TMEM260: variants seen among roughly 807,000 people sequenced by gnomAD.
TMEM260 encodes transmembrane protein 260, also known as protein O-mannosyl-transferase TMEM260.
A neutral mutation model predicts 88.9 loss-of-function variants in TMEM260; 82 were observed. That is an observed-to-expected ratio of 0.92 (90% CI 0.77 to 1.11). The LOEUF (loss-of-function observed/expected upper bound fraction) is 1.11, where lower values mean the gene tolerates loss of function less well. TMEM260 is among the 50% of genes least tolerant of loss of function. TMEM260 has a pLI of 0.00. For synonymous variants in TMEM260, 314 were observed against 309.3 expected, an observed-to-expected ratio of 1.02 and a Z score of -0.16; for missense variants, 902 against 853.4, an observed-to-expected ratio of 1.06 and a Z score of -0.71.
downstream of TMEM260, among the ~76,000 whole-genome samples, chr14:56,653,983 C>T (rs1890256415): frequency 6.6e-6 from 1 of 152,148 alleles, no homozygotes; most frequent in African/African-American, 2.4e-5. Flanking sequence ...CCACCATCAC[C>T]TCTGGCACAT....
At position 56,618,639 on chromosome 14, in the gene TMEM260, G is replaced by C; in HGVS notation, c.1102G>C (p.Ala368Pro). 6.2e-7 allele frequency: 1 copy of C among 1,614,194 alleles called. No individual in the cohort carries two copies. The highest frequency in any genetic ancestry group is 8.5e-7 in the Non-Finnish European group (1 of 1,180,028). The change falls in exon 10 of 16, where the codon GCT becomes CCT. Residue 368 changes from alanine to proline, a missense_variant. Coordinates refer to ENST00000261556, the MANE Select transcript of TMEM260 (RefSeq NM_017799.4). ...MQSNAVVAVL[A>P]GIGLAAVVSE... is the part of the protein sequence containing the mutation. Reference sequence around the variant, plus strand: ...GAGCAATGCAGTAGTGGCCGTCCTCGCTGGCATTGGTTTGGCTGCAGTTGT... The same window carrying C: ...GAGCAATGCAGTAGTGGCCGTCCTCCCTGGCATTGGTTTGGCTGCAGTTGT...
downstream of TMEM260, among the ~76,000 whole-genome samples, chr14:56,649,870 A>G (rs966811928): frequency 6.6e-6 from 1 of 152,220 alleles, no homozygotes; most frequent in African/African-American, 2.4e-5. Flanking sequence ...GAAACCAATG[A>G]TATGATGGCC....
intron 12 of TMEM260, among the ~76,000 whole-genome samples, chr14:56,627,167 AAT>A (rs150129365): frequency 0.043 from 6,565 of 152,184 alleles, 473 homozygotes; most frequent in African/African-American, 0.15. Flanking sequence ...AAGTTTTGTT[AAT>A]GTTTTTGACT....
chr14:56,639,575 G>A (rs966564897), intron 15 of TMEM260, among the ~76,000 whole-genome samples: 22 of 152,152 alleles, frequency 1.4e-4, no homozygotes, highest in African/African-American at 4.8e-4. Flanking sequence ...CATGAGCAAC[G>A]CAGAAGACGG....
chr14:56,607,953 A>C (rs976680238), intron 5 of TMEM260, among the ~76,000 whole-genome samples: 1 of 152,322 alleles, frequency 6.6e-6, no homozygotes, highest in East Asian at 1.9e-4. Context: ...TTACCATTCT[A>C]AATTCAACTT....
chr14:56,645,207 C>T (rs369256127), intron 15 of TMEM260, among the ~76,000 whole-genome samples: 30 of 146,848 alleles, frequency 2.0e-4, no homozygotes, highest in Non-Finnish European at 3.6e-4. Context: ...ATGTTTATTG[C>T]GGCACTATTC....
chr14:56,605,801 TA>T, intron 5 of TMEM260, 118 bp downstream of exon 5: 1 of 616,642 alleles, frequency 1.6e-6, no homozygotes, highest in Non-Finnish European at 2.8e-6. Flanking sequence ...AAAGCATAAA[TA>T]ACCCTAGGGC....
Position 56,625,385 on chromosome 14 carries a change from A to G in TMEM260, c.1402A>G (p.Met468Val), listed in dbSNP as rs746622531. Residue 468 changes from methionine to valine, a missense_variant, in exon 12 of 16, where the codon ATG becomes GTG. Met to Val is a conservative substitution (Grantham distance 21). Coordinates refer to ENST00000261556, the MANE Select transcript of TMEM260 (RefSeq NM_017799.4). Reference sequence around the variant, plus strand: ...TTATGTGTGACTTTTCTGGCAGATGATGACTTACGAGTGGTATTTACCCAA... The same window carrying G: ...TTATGTGTGACTTTTCTGGCAGATGGTGACTTACGAGTGGTATTTACCCAA... ...PDISLVDQEM[M>V]TYEWYLPKMA... 2.1e-5 allele frequency: 34 copies of G among 1,611,250 alleles called. No individual in the cohort carries two copies. In the Admixed American group the frequency reaches 5.6e-4, roughly 26 times the overall value.
chr14:56,619,842 GT>G (rs1436410939), intron 10 of TMEM260, among the ~76,000 whole-genome samples: 1 of 152,188 alleles, frequency 6.6e-6, no homozygotes, highest in Non-Finnish European at 1.5e-5. Context: ...GCATGCGAAT[GT>G]TTATTACAGC....
At chr14:56,643,356 T>C (rs544250074) in intron 15 of TMEM260, among the ~76,000 whole-genome samples, 1 of 152,270 alleles carries the variant, frequency 6.6e-6, no homozygotes, top group Non-Finnish European at 1.5e-5. Context: ...TGGTTCAACA[T>C]ACGCAAATCA....
chr14:56,642,729 T>C (rs1889690023), intron 15 of TMEM260, among the ~76,000 whole-genome samples: 1 of 152,152 alleles, frequency 6.6e-6, no homozygotes, highest in African/African-American at 2.4e-5. Flanking sequence ...GAGCTGGTTT[T>C]TTGAAAAGAT....
intron 3 of TMEM260, among the ~76,000 whole-genome samples, chr14:56,590,525 A>T (rs753396102): frequency 6.6e-6 from 1 of 152,180 alleles, no homozygotes; most frequent in Non-Finnish European, 1.5e-5. Flanking sequence ...TCAATCTCCA[A>T]TTGGGAGAAA....
At chr14:56,638,072 A>C (rs369893782) in intron 15 of TMEM260, 1 of 144,772 alleles carries the variant, frequency 6.9e-6, no homozygotes, top group Middle Eastern at 3.5e-3. Context: ...GATCAGAAGG[A>C]GCTAACCAAA....
chr14:56,621,437 T>C, intron 10 of TMEM260, 94 bp from the exon 11 acceptor site: 4 of 878,074 alleles, frequency 4.6e-6, no homozygotes, highest in Non-Finnish European at 6.8e-6. Context: ...GTTGATTGTA[T>C]GATGGGAAAA....
chr14:56,633,353 T>A, intron 13 of TMEM260, 182 bp downstream of exon 13: 1 of 498,416 alleles, frequency 2.0e-6, no homozygotes, highest in Non-Finnish European at 3.5e-6. Flanking sequence ...TTCTCCTACT[T>A]ACAGAACAAT....
chr14:56,652,612 C>A (rs1243757914), downstream of TMEM260, among the ~76,000 whole-genome samples: 2 of 151,506 alleles, frequency 1.3e-5, no homozygotes, highest in East Asian at 1.9e-4. Context: ...TATCAAAAAA[C>A]TAGGGTTCCT....
At chr14:56,631,177 C>T (rs75899213) in intron 12 of TMEM260, among the ~76,000 whole-genome samples, 6,997 of 152,236 alleles carry the variant, frequency 0.046, 409 homozygotes, top group African/African-American at 0.13. Flanking sequence ...GCCAAGCAGG[C>T]GACTTGACAG....
At chr14:56,656,599 T>C in the TMEM260 span, among the ~76,000 whole-genome samples, 494 of 152,264 alleles carry the variant, frequency 3.2e-3, 4 homozygotes, top group African/African-American at 0.011. Flanking sequence ...TTCATTAATA[T>C]GTCAGTAAAA....
intron 1 of TMEM260, among the ~76,000 whole-genome samples, chr14:56,580,976 T>C (rs897838716): frequency 3.9e-5 from 6 of 152,202 alleles, no homozygotes; most frequent in Admixed American, 3.9e-4. Flanking sequence ...ATCAGGAGTC[T>C]GGGTGCCGTT....
Sources: allele counts gnomAD v4.1 joint callset (sites outside exome capture counted in the v4.1 genomes callset), GRCh38; gene constraint gnomAD v4.1.1; transcripts MANE v1.5; gene names NCBI Gene and HGNC (gene_info 2026-07-23, HGNC 2026-07-21).